Variants in CADPS observed in about 807,000 individuals in gnomAD.
The protein encoded by CADPS is calcium-dependent secretion activator 1.
A neutral mutation model predicts 167.3 loss-of-function variants in CADPS; 57 were observed. The observed-to-expected ratio is 0.34, with a 90% confidence interval of 0.28 to 0.42. The LOEUF (loss-of-function observed/expected upper bound fraction) is 0.42, where lower values mean the gene tolerates loss of function less well. Ranked by LOEUF, CADPS falls within the 20% of genes least tolerant of loss-of-function variation. CADPS has a pLI of 1.00. For missense variants in CADPS, 1,414 were observed against 1,738.1 expected (o/e 0.81, Z 3.32); for synonymous variants, 676 against 635.3 (o/e 1.06, Z -0.96).
At chr3:62,683,073 TGAG>T (rs2077409546) in intron 3 of CADPS, among the ~76,000 whole-genome samples, 1 of 151,552 alleles carries the variant, frequency 6.6e-6, no homozygotes, top group East Asian at 1.9e-4. Flanking sequence ...GGAGTAAGGG[TGAG>T]GAGGAGAGTA....
chr3:62,676,724 T>C lies in CADPS; in HGVS notation c.889-14330A>G, dbSNP rs115339904. On this transcript the variant is annotated intron_variant, in intron 3 of 29. Coordinates refer to ENST00000383710, the MANE Select transcript of CADPS (RefSeq NM_003716.4). Reference sequence around the variant, plus strand: ...AATTTTTTATTGTGAAATTCTGCCATAGAGATATCAAATCATGATGCCACA... The same window carrying C: ...AATTTTTTATTGTGAAATTCTGCCACAGAGATATCAAATCATGATGCCACA... Among the ~76,000 whole-genome samples, 600 of 152,276 alleles carry C rather than the reference T, an allele frequency of 3.9e-3. 4 individuals are homozygous for C. The highest frequency in any genetic ancestry group is 0.013 in the African/African-American group (546 of 41,576).
intron 5 of CADPS, among the ~76,000 whole-genome samples, chr3:62,648,384 A>G (rs937737921): frequency 1.3e-5 from 2 of 152,158 alleles, no homozygotes; most frequent in African/African-American, 4.8e-5. Flanking sequence ...ACAAAGAATT[A>G]GAAAATTACA....
chr3:62,623,061 A>G (rs1333301516), intron 6 of CADPS, among the ~76,000 whole-genome samples: 2 of 152,212 alleles, frequency 1.3e-5, no homozygotes, highest in Non-Finnish European at 2.9e-5. Context: ...ATTTATTTTT[A>G]AACAAACTTT....
chr3:62,695,985 A>C (rs1580618521), intron 3 of CADPS, among the ~76,000 whole-genome samples: 1 of 151,976 alleles, frequency 6.6e-6, no homozygotes, highest in East Asian at 1.9e-4. Context: ...ACGTTAAATA[A>C]ATTTGTATGT....
chr3:62,641,849 G>C (rs1355174320), intron 6 of CADPS, among the ~76,000 whole-genome samples: 2 of 150,658 alleles, frequency 1.3e-5, no homozygotes, highest in East Asian at 3.9e-4. Flanking sequence ...GAGTATAAGA[G>C]GCTGCCGGCC....
At chr3:62,596,136 C>G (rs2058895943) in intron 6 of CADPS, among the ~76,000 whole-genome samples, 1 of 105,946 alleles carries the variant, frequency 9.4e-6, no homozygotes, top group Non-Finnish European at 2.0e-5. Flanking sequence ...CACACACACA[C>G]ACACACATAT....
In CADPS at chr3:62,420,542, G is replaced by A. The variant is rs7623408; in HGVS notation, c.3778-17357C>T. 0.081 allele frequency among the ~76,000 whole-genome samples: 12,254 copies of A among 152,210 alleles called. 602 individuals are homozygous for A. The highest frequency in any genetic ancestry group is 0.11 in the Non-Finnish European group (7,574 of 67,996). ...AGGGAAGATGGCAGCAGATTGGGGA[G>A]AGCATGGCAGGCAGCACAGGTGGAT... is the stretch of plus-strand genomic sequence containing the variant. On this transcript the variant is annotated intron_variant, in intron 28 of 29. Transcript: ENST00000383710. The surrounding 1 kb of genome is among the most constrained non-coding windows in gnomAD (Gnocchi z 4.1).
In CADPS at chr3:62,753,499, A is replaced by T. The variant is rs1418349931; in HGVS notation, c.830T>A (p.Phe277Tyr). Residue 277 changes from phenylalanine (F) to tyrosine (Y), a missense_variant, in exon 3 of 30, where the codon TTC becomes TAC. By Grantham distance (22) the Phe-to-Tyr change is conservative. Coordinates refer to ENST00000383710, the MANE Select transcript of CADPS (RefSeq NM_003716.4). This position sits in a 1 kb window ranked among gnomAD's most constrained non-coding sequence, Gnocchi z 4.6. ...ILSKEQLYEMFQNILGIKKFE... is the reference protein window; with the variant it reads ...ILSKEQLYEMYQNILGIKKFE... ...CTTCTTGATCCCAAGAATGTTCTGGAACATCTCATAGAGTTGCTCCTTGCT... is the reference window on the plus strand; with the variant it reads ...CTTCTTGATCCCAAGAATGTTCTGGTACATCTCATAGAGTTGCTCCTTGCT... 2 of 1,614,080 alleles carry T rather than the reference A, an allele frequency of 1.2e-6. No homozygotes were observed. The highest frequency in any genetic ancestry group is 8.5e-7 in the Non-Finnish European group (1 of 1,180,014).
At chr3:62,695,168 A>T (rs2080033051) in intron 3 of CADPS, among the ~76,000 whole-genome samples, 1 of 152,098 alleles carries the variant, frequency 6.6e-6, no homozygotes, top group Admixed American at 6.6e-5. Flanking sequence ...GATAGATGTG[A>T]TGATTGCTGA....
At chr3:62,873,999 G>C (rs1417909448) in intron 1 of CADPS, among the ~76,000 whole-genome samples, 1 of 152,200 alleles carries the variant, frequency 6.6e-6, no homozygotes. Flanking sequence ...GGGAGAGGAG[G>C]GTGCCCTTCG....
At chr3:62,828,302 CTATTT>C (rs1423042722) in intron 1 of CADPS, among the ~76,000 whole-genome samples, 1 of 152,176 alleles carries the variant, frequency 6.6e-6, no homozygotes, top group East Asian at 1.9e-4. Context: ...CACCATGGCA[CTATTT>C]TAAGCTATCA....
intron 1 of CADPS, among the ~76,000 whole-genome samples, chr3:62,809,807 T>C (rs1300831587): frequency 2.0e-5 from 3 of 152,200 alleles, no homozygotes; most frequent in African/African-American, 4.8e-5. Context: ...GAAATGAATA[T>C]GTGTATGGTA....
At chr3:62,406,484 C>G (rs956500190) in intron 28 of CADPS, among the ~76,000 whole-genome samples, 14 of 152,256 alleles carry the variant, frequency 9.2e-5, no homozygotes, top group Admixed American at 7.8e-4. Context: ...TATGCCTTTT[C>G]CAGAGCTACC....
intron 1 of CADPS, among the ~76,000 whole-genome samples, chr3:62,807,487 C>T (rs2094161308): frequency 6.6e-6 from 1 of 152,048 alleles, no homozygotes; most frequent in African/African-American, 2.4e-5. Context: ...GTCTCACACT[C>T]AGGAGTTCAA....
At chr3:62,427,347 A>G (rs565791045) in intron 28 of CADPS, among the ~76,000 whole-genome samples, 2 of 152,324 alleles carry the variant, frequency 1.3e-5, no homozygotes, top group African/African-American at 4.8e-5. Context: ...TATCCTTTAG[A>G]GACAGTCACT....
intron 3 of CADPS, among the ~76,000 whole-genome samples, chr3:62,705,438 G>A (rs2082145319): frequency 6.6e-6 from 1 of 152,078 alleles, no homozygotes; most frequent in Admixed American, 6.5e-5. Context: ...AACTTGATTG[G>A]ACTGAAGGAT....
Position 62,438,715 on chromosome 3 carries a change from T to C in CADPS, c.3670-504A>G, listed in dbSNP as rs112721990. 1.5e-4 allele frequency: 22 copies of C among 144,266 alleles called. No individual in the cohort carries two copies. Among genetic ancestry groups the C allele is most frequent in the African/African-American group, 5.0e-4 (19 of 38,026 alleles). The allele number at this position is 144,266 out of a possible 1,614,324, so 8.9% of individuals were successfully genotyped here. A position where few individuals can be genotyped will look rare whatever the true frequency, so the allele number is the denominator to read the frequency against. Reference sequence around the variant, plus strand: ...TATACCTCTTCCTACCCAAGTCTCATTGTGTGTGTGTGTGTGTGTGTGTGT... The same window carrying C: ...TATACCTCTTCCTACCCAAGTCTCACTGTGTGTGTGTGTGTGTGTGTGTGT... On this transcript the variant is annotated intron_variant, in intron 27 of 29. Coordinates refer to ENST00000383710, the MANE Select transcript of CADPS (RefSeq NM_003716.4). The surrounding 1 kb of genome is among the most constrained non-coding windows in gnomAD (Gnocchi z 4.7).
intron 3 of CADPS, among the ~76,000 whole-genome samples, chr3:62,665,679 G>C (rs1488054954): frequency 6.6e-6 from 1 of 152,174 alleles, no homozygotes; most frequent in East Asian, 1.9e-4. Context: ...CACTTGTCAT[G>C]ACTGATTTCT....
At chr3:62,615,441 A>C (rs932090520) in intron 6 of CADPS, among the ~76,000 whole-genome samples, 3 of 152,220 alleles carry the variant, frequency 2.0e-5, no homozygotes, top group African/African-American at 7.2e-5. Context: ...GCTTACTCTG[A>C]ATCAGCGACT....
Sources: allele counts gnomAD v4.1 joint callset (sites outside exome capture counted in the v4.1 genomes callset), GRCh38; gene constraint gnomAD v4.1.1; non-coding constraint Gnocchi (gnomAD v3.1); transcripts MANE v1.5; gene names NCBI Gene and HGNC (gene_info 2026-07-23, HGNC 2026-07-21).